Variants in XKR9 observed in about 807,000 individuals in gnomAD.
The protein encoded by XKR9 is XK-related protein 9.
A neutral mutation model predicts 32.0 loss-of-function variants in XKR9; 32 were observed. The ratio of observed to expected loss-of-function variants is 1.00; its 90% CI spans 0.76 to 1.34. XKR9 has a LOEUF of 1.34. Among genes scored for constraint, XKR9 ranks in the 40% most tolerant of loss-of-function variants. XKR9 has a pLI of 0.00. For synonymous variants in XKR9, 168 were observed against 143.4 expected (o/e 1.17, Z -1.22); for missense variants, 546 against 429.7 (o/e 1.27, Z -2.39).
intron 2 of XKR9, among the ~76,000 whole-genome samples, chr8:70,763,779 G>T (rs1318721672): frequency 3.3e-5 from 5 of 152,168 alleles, no homozygotes; most frequent in Non-Finnish European, 7.3e-5. Context: ...TTATTCAAAT[G>T]TACTGGTGGA....
chr8:71,011,114 G>A, the XKR9 span, among the ~76,000 whole-genome samples: 9 of 152,148 alleles, frequency 5.9e-5, no homozygotes, highest in Non-Finnish European at 1.3e-4. Flanking sequence ...GTCTGTGTTT[G>A]ATCAAAATGA....
the XKR9 span, among the ~76,000 whole-genome samples, chr8:70,998,234 C>CA: frequency 6.6e-6 from 1 of 152,190 alleles, no homozygotes; most frequent in African/African-American, 2.4e-5. Flanking sequence ...CATAGATCCT[C>CA]AAAGTTAATT....
intron 2 of XKR9, among the ~76,000 whole-genome samples, chr8:70,751,659 G>A (rs1280695782): frequency 6.6e-6 from 1 of 152,096 alleles, no homozygotes; most frequent in Non-Finnish European, 1.5e-5. Flanking sequence ...GTTTCTTCTT[G>A]AGCTGAGACA....
chr8:70,894,192 A>T, the XKR9 span, among the ~76,000 whole-genome samples: 1 of 151,774 alleles, frequency 6.6e-6, no homozygotes, highest in East Asian at 1.9e-4. Flanking sequence ...TGTAGTAGTG[A>T]CACTATACCC....
rs116351356 is a variant in XKR9 at position 70,770,213 on chromosome 8, A to T, written n.353-19126A>T. Among the ~76,000 whole-genome samples the T allele has an allele frequency of 2.9e-3, 443 of 152,266 alleles. 6 individuals carry two copies. The highest frequency in any genetic ancestry group is 1.0e-2 in the African/African-American group (414 of 41,548). ...CAATCAGTCCCCTCTTCTGCAGATC[A>T]GCTGGAGTTTGCTGGAGGTCCACTC... On this transcript the variant is annotated intron_variant and non_coding_transcript_variant, in intron 2 of 3. Coordinates refer to the XKR9 transcript ENST00000520273.
chr8:70,685,600 T>C (rs1032045520), intron 3 of XKR9, among the ~76,000 whole-genome samples: 1 of 150,488 alleles, frequency 6.6e-6, no homozygotes, highest in Non-Finnish European at 1.5e-5. Context: ...TGGATGAAAT[T>C]GGAAATCATC....
chr8:70,690,500 GTT>G (rs71566233), intron 3 of XKR9, among the ~76,000 whole-genome samples: 48 of 140,760 alleles, frequency 3.4e-4, no homozygotes, highest in African/African-American at 9.7e-4. Flanking sequence ...TGCCCAGCTA[GTT>G]TTTTTTTTTT....
At chr8:70,977,410 A>G in the XKR9 span, among the ~76,000 whole-genome samples, 18 of 152,228 alleles carry the variant, frequency 1.2e-4, no homozygotes, top group African/African-American at 3.9e-4. Context: ...CCTCTACACA[A>G]TGCTTTAAAT....
the XKR9 span, among the ~76,000 whole-genome samples, chr8:70,987,865 T>C: frequency 2.6e-5 from 4 of 152,256 alleles, no homozygotes; most frequent in East Asian, 7.7e-4. Flanking sequence ...ATACATCTTC[T>C]GAAATCTAGG....
the XKR9 span, among the ~76,000 whole-genome samples, chr8:70,828,755 G>C: frequency 6.6e-6 from 1 of 151,350 alleles, no homozygotes; most frequent in Non-Finnish European, 1.5e-5. Flanking sequence ...AAGAAAGACT[G>C]GTGGGAAGAA....
chr8:70,825,534 T>A, the XKR9 span, among the ~76,000 whole-genome samples: 1 of 152,072 alleles, frequency 6.6e-6, no homozygotes, highest in Non-Finnish European at 1.5e-5. Flanking sequence ...CTTGGAAAAA[T>A]TATCTTTGTG....
At chr8:70,769,279 G>T (rs901718548) in intron 2 of XKR9, among the ~76,000 whole-genome samples, 2 of 150,684 alleles carry the variant, frequency 1.3e-5, no homozygotes, top group African/African-American at 2.4e-5. Context: ...CTGTCTTCTG[G>T]CTTGTAGGGT....
chr8:70,715,299 A>G (rs1806052351), intron 4 of XKR9, among the ~76,000 whole-genome samples: 1 of 152,182 alleles, frequency 6.6e-6, no homozygotes, highest in Admixed American at 6.5e-5. Context: ...CCACTTGAAC[A>G]TACTAGGGGA....
At chr8:70,945,005 C>CA in the XKR9 span, among the ~76,000 whole-genome samples, 2 of 151,844 alleles carry the variant, frequency 1.3e-5, no homozygotes, top group African/African-American at 2.4e-5. Flanking sequence ...TTAGGTAAGA[C>CA]AAAAAAATGC....
At chr8:70,850,787 A>G in the XKR9 span, among the ~76,000 whole-genome samples, 1 of 152,224 alleles carries the variant, frequency 6.6e-6, no homozygotes, top group East Asian at 1.9e-4. Context: ...GTATCTCAAA[A>G]TAAAAAGAGC....
At chr8:70,704,066 C>A (rs1301565386) in intron 3 of XKR9, among the ~76,000 whole-genome samples, 1 of 151,998 alleles carries the variant, frequency 6.6e-6, no homozygotes, top group African/African-American at 2.4e-5. Flanking sequence ...CCTGTAGTCC[C>A]AGCTACTCGG....
intron 2 of XKR9, chr8:70,780,935 G>T (rs1807607106): frequency 6.6e-6 from 1 of 150,614 alleles, no homozygotes; most frequent in South Asian, 2.1e-4. Flanking sequence ...AAATTTAGCA[G>T]TGGAGAGTTG....
chr8:70,975,642 T>C, the XKR9 span, among the ~76,000 whole-genome samples: 3 of 152,240 alleles, frequency 2.0e-5, no homozygotes, highest in Admixed American at 6.5e-5. Context: ...TTGATTACTG[T>C]AGCCTTGTAG....
At chr8:70,948,641 G>A in the XKR9 span, among the ~76,000 whole-genome samples, 5 of 152,252 alleles carry the variant, frequency 3.3e-5, no homozygotes, top group East Asian at 3.9e-4. Context: ...TGACATAACC[G>A]AGCCTGCCGG....
Sources: allele counts gnomAD v4.1 joint callset (sites outside exome capture counted in the v4.1 genomes callset), GRCh38; gene constraint gnomAD v4.1.1; transcripts MANE v1.5; gene names NCBI Gene and HGNC (gene_info 2026-07-23, HGNC 2026-07-21).